Variants in UNKL observed in about 807,000 individuals in gnomAD.
The protein encoded by UNKL is unk like zinc finger, also known as putative E3 ubiquitin-protein ligase UNKL.
Under a neutral mutation model 78.0 loss-of-function variants are expected in UNKL, and 60 were observed. The observed-to-expected ratio is 0.77, with a 90% confidence interval of 0.63 to 0.95. UNKL has a LOEUF of 0.95. UNKL is among the 40% of genes least tolerant of loss of function. UNKL has a pLI of 0.00. For missense variants in UNKL, 1,159 were observed against 1,045.7 expected (o/e 1.11, Z -1.49); for synonymous variants, 608 against 474.8 (o/e 1.28, Z -3.65).
At chr16:1,391,114 C>T (rs547535251) in intron 8 of UNKL, among the ~76,000 whole-genome samples, 2 of 152,022 alleles carry the variant, frequency 1.3e-5, no homozygotes, top group African/African-American at 4.8e-5. Context: ...CATACCACCG[C>T]ACTGCAGGCT....
chr16:1,414,138 T>G (rs1401994390), intron 1 of UNKL, 83 bp from the exon 2 acceptor site: 1 of 1,361,616 alleles, frequency 7.3e-7, no homozygotes, highest in Non-Finnish European at 1.0e-6. Flanking sequence ...CCCACCGGCC[T>G]CAGGAGCCTC....
Position 1,387,962 on chromosome 16 carries a change from G to A in UNKL, c.1087-2577C>T, listed in dbSNP as rs1221257816. On this transcript the variant is annotated intron_variant, in intron 9 of 14. Coordinates refer to ENST00000389221, the MANE Select transcript of UNKL (RefSeq NM_001372107.1). The surrounding 1 kb of genome is among the most constrained non-coding windows in gnomAD (Gnocchi z 4.1). ...CAGTAGCCTAGAGGCCACCGCCCGGGTCACAGTCACCCCTGTGGATGTCCT... is the reference window on the plus strand; with the variant it reads ...CAGTAGCCTAGAGGCCACCGCCCGGATCACAGTCACCCCTGTGGATGTCCT... Among the ~76,000 whole-genome samples the A allele has an allele frequency of 6.6e-6, 1 of 152,284 alleles. No homozygotes were observed. The highest frequency in any genetic ancestry group is 3.4e-3 in the Middle Eastern group (1 of 294).
In UNKL at chr16:1,414,286, C is replaced by G. The variant is rs571470877; in HGVS notation, c.78-231G>C. On this transcript the variant is annotated intron_variant, in intron 1 of 14. Transcript: ENST00000389221. Reference sequence around the variant, plus strand: ...TGGTCCCCAAGCCCAAGCGCCACCCCGGACCCTGGGCGACCCGCTGTGACC... The same window carrying G: ...TGGTCCCCAAGCCCAAGCGCCACCCGGGACCCTGGGCGACCCGCTGTGACC... 5.8e-4 allele frequency among the ~76,000 whole-genome samples: 88 copies of G among 152,204 alleles called. 1 individual carries two copies. The highest frequency in any genetic ancestry group is 2.0e-3 in the African/African-American group (85 of 41,564).
At chr16:1,404,375 G>A (rs542471346) in intron 2 of UNKL, among the ~76,000 whole-genome samples, 2 of 152,330 alleles carry the variant, frequency 1.3e-5, no homozygotes, top group East Asian at 1.9e-4. Flanking sequence ...TGGGGACCAA[G>A]AGCGATTCAG....
Position 1,367,256 on chromosome 16 carries a change from C to G in UNKL, c.1882G>C (p.Glu628Gln). 6.3e-7 allele frequency: 1 copy of G among 1,586,738 alleles called. No individual in the cohort carries two copies. Among genetic ancestry groups the G allele is most frequent in the East Asian group, 2.3e-5 (1 of 43,482 alleles). ...DRQLALQKKE[E>Q]VEAQVKQLQE... Reference sequence around the variant, plus strand: ...AGCTGCTTCACCTGTGCCTCCACCTCCTCCTTCTTCTGCAGCGCCAGCTGC... The same window carrying G: ...AGCTGCTTCACCTGTGCCTCCACCTGCTCCTTCTTCTGCAGCGCCAGCTGC... The change falls in exon 14 of 15, where the codon GAG (glutamate) becomes CAG (glutamine). Residue 628 changes from glutamate (E) to glutamine (Q), a missense_variant. Physicochemically the swap from Glu to Gln is conservative, Grantham distance 29 (BLOSUM62 2). Transcript: ENST00000389221.
intron 3 of UNKL, 71 bp from the exon 4 acceptor site, chr16:1,401,772 G>A (rs2037538264): frequency 6.5e-7 from 1 of 1,536,970 alleles, no homozygotes; most frequent in Non-Finnish European, 8.8e-7. Flanking sequence ...GGTCACTGGA[G>A]GGCACGCTCC....
chr16:1,400,833 G>A (rs1234517894), intron 4 of UNKL, among the ~76,000 whole-genome samples: 3 of 151,882 alleles, frequency 2.0e-5, no homozygotes, highest in Non-Finnish European at 4.4e-5. Flanking sequence ...GATTACAGGC[G>A]CCCACCACCA....
intron 14 of UNKL, among the ~76,000 whole-genome samples, chr16:1,366,700 C>A (rs1259707468): frequency 1.3e-5 from 2 of 152,228 alleles, no homozygotes; most frequent in Non-Finnish European, 2.9e-5. Context: ...GTGGGCTACG[C>A]AGGACCCTCT....
At chr16:1,394,606 G>A in intron 6 of UNKL, 1 of 432,508 alleles carries the variant, frequency 2.3e-6, no homozygotes, top group African/African-American at 2.0e-5. Flanking sequence ...CCTTCACCTA[G>A]GGTGACAGCC....
chr16:1,389,005 ACTC>A (rs1269471884), intron 9 of UNKL, among the ~76,000 whole-genome samples: 4 of 151,660 alleles, frequency 2.6e-5, no homozygotes, highest in Admixed American at 2.6e-4. Flanking sequence ...CACCTCCAGA[ACTC>A]CTCATCTTCC....
At chr16:1,413,715 C>T in intron 2 of UNKL, 131 bp downstream of exon 2, 2 of 1,025,452 alleles carry the variant, frequency 2.0e-6, no homozygotes, top group Non-Finnish European at 2.7e-6. Flanking sequence ...AAAATTTCAG[C>T]GTATAATTAC....
At position 1,389,142 on chromosome 16, in the gene UNKL, A is replaced by G. The variant is rs575678783; in HGVS notation, c.1086+1490T>C. Among the ~76,000 whole-genome samples, 5 of 150,014 alleles carry G rather than the reference A, an allele frequency of 3.3e-5. No individual in the cohort carries two copies. In the East Asian group the frequency reaches 8.1e-4, roughly 24 times the overall value. The stretch of plus-strand genomic sequence containing the variant: ...AGACCTCCTGTGAGTGGAATCACGC[A>G]GGTTTTGCCTTTCGGTAACTGGCTC... On this transcript the variant is annotated intron_variant, in intron 9 of 14. Transcript: ENST00000389221.
At chr16:1,380,198 C>T (rs2036547176) in intron 10 of UNKL, among the ~76,000 whole-genome samples, 2 of 152,226 alleles carry the variant, frequency 1.3e-5, no homozygotes, top group Non-Finnish European at 2.9e-5. Flanking sequence ...CACTAAAAAT[C>T]CCTTAAATAC....
chr16:1,395,756 C>G (rs2037232636), intron 6 of UNKL: 1 of 456,674 alleles, frequency 2.2e-6, no homozygotes, highest in Middle Eastern at 3.3e-4. Context: ...GGTCTGCAAC[C>G]AGGCCTGCGT....
intron 10 of UNKL, among the ~76,000 whole-genome samples, chr16:1,380,528 G>A (rs2036562076): frequency 6.6e-6 from 1 of 151,696 alleles, no homozygotes; most frequent in African/African-American, 2.4e-5. Context: ...CATGGACAGA[G>A]GAAAAAAGTG....
At position 1,401,671 on chromosome 16, in the gene UNKL, G is replaced by A. The variant is rs8061146; in HGVS notation, c.495C>T (p.Asn165=). Residue 165 remains asparagine, a synonymous_variant, in exon 4 of 15, where the codon AAC becomes AAT. Coordinates refer to ENST00000389221, the MANE Select transcript of UNKL (RefSeq NM_001372107.1). Reference sequence around the variant, plus strand: ...CCCCTTCCCCGCCGCCCAGCTGGCCGTTCTGCAAGGCTTCCTGGGCCTGCA... The same window carrying A: ...CCCCTTCCCCGCCGCCCAGCTGGCCATTCTGCAAGGCTTCCTGGGCCTGCA... ...RELQAQEALQ[N]GQLGGGEGVP... 2.4e-4 allele frequency: 392 copies of A among 1,611,626 alleles called. 4 individuals are homozygous for A. In the African/African-American group the frequency reaches 4.2e-3, roughly 17 times the overall value.
chr16:1,366,053 G>A lies in UNKL; in HGVS notation c.*187C>T, dbSNP rs1261122835. On this transcript the variant is annotated 3_prime_UTR_variant, in exon 15 of 15. Coordinates refer to ENST00000389221, the MANE Select transcript of UNKL (RefSeq NM_001372107.1). The stretch of plus-strand genomic sequence containing the variant: ...TCGGTAGGACTAGATAGGTGACAAC[G>A]TGTGACAGGAAAGGCTGTCAGGCCA... 17 of 610,026 alleles carry A rather than the reference G, an allele frequency of 2.8e-5. No homozygotes were observed. Among genetic ancestry groups the A allele is most frequent in the South Asian group, 1.2e-4 (4 of 32,498 alleles). 37.8% of individuals were successfully genotyped at this position (610,026 alleles called of 1,614,324 possible).
Position 1,413,879 on chromosome 16 carries a change from T to C in UNKL, c.254A>G (p.Asn85Ser). The change falls in exon 2 of 15, where the codon AAC (asparagine) becomes AGC (serine). Residue 85 changes from asparagine (N) to serine (S), a missense_variant. Transcript: ENST00000389221. ...YSPDVYCSKY[N>S]EATGVCPDGD... ...GTCGGGGCACACGCCGGTGGCTTCG[T>C]TGTACTTGGAGCAGTACACGTCGGG... 1 of 1,538,876 alleles carries C rather than the reference T, an allele frequency of 6.5e-7. No individual in the cohort carries two copies. Among genetic ancestry groups the C allele is most frequent in the Non-Finnish European group, 8.8e-7 (1 of 1,136,178 alleles).
intron 4 of UNKL, chr16:1,401,273 G>C (rs1479077730): frequency 6.4e-6 from 2 of 312,782 alleles, no homozygotes; most frequent in Non-Finnish European, 1.2e-5. Context: ...CGCCTCACGA[G>C]TTCCGGTGGG....
Sources: allele counts gnomAD v4.1 joint callset (sites outside exome capture counted in the v4.1 genomes callset), GRCh38; gene constraint gnomAD v4.1.1; non-coding constraint Gnocchi (gnomAD v3.1); transcripts MANE v1.5; gene names NCBI Gene and HGNC (gene_info 2026-07-23, HGNC 2026-07-21).